NUTM2B: variants seen among roughly 807,000 people sequenced by gnomAD.
NUTM2B encodes the protein NUT family member 2B, also known as family with sequence similarity 22, member B.
NUTM2B carries 2 observed loss-of-function variants against 42.4 expected under a neutral mutation model. The ratio of observed to expected loss-of-function variants is 0.05; its 90% CI spans 0.02 to 0.15. NUTM2B has a LOEUF of 0.15. Among genes scored for constraint, NUTM2B ranks in the 10% least tolerant of loss-of-function variants. The pLI, the probability that NUTM2B is intolerant of heterozygous loss-of-function variation, is 1.00. For synonymous variants in NUTM2B, 18 were observed against 402.4 expected (o/e 0.04, Z 11.43); for missense variants, 58 against 952.6 (o/e 0.06, Z 12.36).
At chr10:79,700,893 T>A (rs2258955), upstream of NUTM2B, among the ~76,000 whole-genome samples, 95 of 152,252 alleles carry the variant, frequency 6.2e-4, no homozygotes, top group African/African-American at 2.3e-3. Context: ...GGCACCTGGG[T>A]GCTTCCTGGG....
the NUTM2B span, among the ~76,000 whole-genome samples, chr10:79,693,109 GCT>G: frequency 6.6e-6 from 1 of 152,142 alleles, no homozygotes; most frequent in Non-Finnish European, 1.5e-5. Flanking sequence ...AGCTCTCCCT[GCT>G]CTGTTCCTAG....
At chr10:79,696,559 T>C in the NUTM2B span, among the ~76,000 whole-genome samples, 2 of 151,742 alleles carry the variant, frequency 1.3e-5, no homozygotes, top group Admixed American at 1.3e-4. Flanking sequence ...ACAACCTTGC[T>C]AAACAGATGA....
chr10:79,700,883 G>A (rs1182767938), upstream of NUTM2B, among the ~76,000 whole-genome samples: 14 of 152,192 alleles, frequency 9.2e-5, no homozygotes, highest in East Asian at 1.9e-4. Context: ...GGAGGGACGC[G>A]GCACCTGGGT....
upstream of NUTM2B, among the ~76,000 whole-genome samples, chr10:79,700,924 T>A (rs564795305): frequency 6.6e-6 from 1 of 152,174 alleles, no homozygotes; most frequent in Non-Finnish European, 1.5e-5. Flanking sequence ...GCCCCCTCAT[T>A]GGAACCTCCA....
At chr10:79,711,063 C>G (rs1453546741) in intron 5 of NUTM2B, among the ~76,000 whole-genome samples, 187 bp from the exon 6 acceptor site, 1,744 of 91,986 alleles carry the variant, frequency 0.019, 3 homozygotes, top group African/African-American at 0.089. Flanking sequence ...GTTTGTGTGT[C>G]TCTGTCTGTG....
the NUTM2B span, among the ~76,000 whole-genome samples, chr10:79,694,732 A>C: frequency 6.6e-6 from 1 of 152,224 alleles, no homozygotes; most frequent in Non-Finnish European, 1.5e-5. Context: ...AACCGAATCC[A>C]TTCTCTCTTG....
At chr10:79,699,927 T>G (rs1177880378), upstream of NUTM2B, among the ~76,000 whole-genome samples, 1 of 152,184 alleles carries the variant, frequency 6.6e-6, no homozygotes, top group Non-Finnish European at 1.5e-5. Context: ...CCAAAATAAA[T>G]CTTCCTGACA....
At chr10:79,692,323 T>G in the NUTM2B span, among the ~76,000 whole-genome samples, 2 of 152,358 alleles carry the variant, frequency 1.3e-5, no homozygotes, top group African/African-American at 4.8e-5. Context: ...ATGCCAATCT[T>G]TATAACCCTG....
the NUTM2B span, among the ~76,000 whole-genome samples, chr10:79,697,663 G>A: frequency 2.0e-5 from 3 of 151,644 alleles, no homozygotes; most frequent in African/African-American, 7.3e-5. Flanking sequence ...TTTTTCTTTT[G>A]TTATTTTTTT....
At chr10:79,694,710 T>C in the NUTM2B span, among the ~76,000 whole-genome samples, 1 of 152,106 alleles carries the variant, frequency 6.6e-6, no homozygotes, top group African/African-American at 2.4e-5. Context: ...ACCAGATGAA[T>C]ACATCAGGGG....
At chr10:79,705,586 G>A (rs1840374440) in intron 1 of NUTM2B, among the ~76,000 whole-genome samples, 1 of 150,026 alleles carries the variant, frequency 6.7e-6, no homozygotes, top group African/African-American at 2.5e-5. Flanking sequence ...AAGGAAGATT[G>A]AAGAGGAGAT....
Position 79,703,491 on chromosome 10 carries a change from T to C in NUTM2B, c.-119T>C. On this transcript the variant is annotated 5_prime_UTR_variant, in exon 1 of 7. An upstream start codon of the reference 5' UTR is lost. Transcript: ENST00000429828. ...ACCCCTGTGTTTCTCAGACTGAAAA[T>C]GTGTTTTGAACTTTGTTCACGAAGT... 1.9e-5 allele frequency: 3 copies of C among 161,236 alleles called. 1 individual carries two copies. The highest frequency in any genetic ancestry group is 2.8e-5 in the Non-Finnish European group (3 of 106,818). 10.0% of individuals were successfully genotyped at this position (161,236 alleles called of 1,614,324 possible). A position where few individuals can be genotyped will look rare whatever the true frequency, so the allele number is the denominator to read the frequency against.
At chr10:79,699,810 T>C (rs965115253), upstream of NUTM2B, among the ~76,000 whole-genome samples, 1 of 152,170 alleles carries the variant, frequency 6.6e-6, no homozygotes, top group African/African-American at 2.4e-5. Flanking sequence ...TGAATACATA[T>C]TAGATTCTCA....
the NUTM2B span, among the ~76,000 whole-genome samples, chr10:79,695,488 G>A: frequency 6.6e-6 from 1 of 152,150 alleles, no homozygotes; most frequent in Non-Finnish European, 1.5e-5. Context: ...CCTGCTGGAG[G>A]TCCTGCCTTA....
upstream of NUTM2B, among the ~76,000 whole-genome samples, chr10:79,698,271 AGT>A (rs1191205534): frequency 2.6e-5 from 4 of 152,084 alleles, no homozygotes; most frequent in Non-Finnish European, 4.4e-5. Flanking sequence ...CCAATCCCTG[AGT>A]GTATAAATCC....
At chr10:79,698,385 T>G (rs1212405213), upstream of NUTM2B, among the ~76,000 whole-genome samples, 4 of 151,050 alleles carry the variant, frequency 2.6e-5, no homozygotes, top group African/African-American at 9.7e-5. Flanking sequence ...CCTAGCATTC[T>G]CCAAAGAAAT....
chr10:79,700,231 A>T (rs1319872941), upstream of NUTM2B, among the ~76,000 whole-genome samples: 1 of 152,004 alleles, frequency 6.6e-6, no homozygotes, highest in Non-Finnish European at 1.5e-5. Flanking sequence ...CTGGCTGATC[A>T]TTCTGATCAA....
chr10:79,693,698 T>C, the NUTM2B span, among the ~76,000 whole-genome samples: 1 of 152,274 alleles, frequency 6.6e-6, no homozygotes, highest in Middle Eastern at 3.4e-3. Flanking sequence ...CTGGTATACA[T>C]TACAGTGCAT....
chr10:79,710,987 T>A (rs1297378301), intron 5 of NUTM2B, among the ~76,000 whole-genome samples: 1 of 133,598 alleles, frequency 7.5e-6, no homozygotes, highest in African/African-American at 2.9e-5. Flanking sequence ...GTGTGGAGTG[T>A]GTACGTTACC....
Sources: allele counts gnomAD v4.1 joint callset (sites outside exome capture counted in the v4.1 genomes callset), GRCh38; gene constraint gnomAD v4.1.1; transcripts MANE v1.5; gene names NCBI Gene and HGNC (gene_info 2026-07-23, HGNC 2026-07-21).